The following MAP3K9 variants were observed in gnomAD, a reference collection of about 807,000 sequenced individuals.
The protein encoded by MAP3K9 is mixed lineage kinase 1 (tyr and ser/thr specificity).
Under a neutral mutation model 95.8 loss-of-function variants are expected in MAP3K9, and 46 were observed. The ratio of observed to expected loss-of-function variants is 0.48; its 90% CI spans 0.38 to 0.61. The LOEUF is 0.61. MAP3K9 is among the 20% of genes least tolerant of loss of function. The pLI, the probability that MAP3K9 is intolerant of heterozygous loss-of-function variation, is 0.00. For synonymous variants in MAP3K9, 533 were observed against 593.8 expected (o/e 0.90, Z 1.49); for missense variants, 1,296 against 1,474.3 (o/e 0.88, Z 1.98).
intron 2 of MAP3K9, among the ~76,000 whole-genome samples, chr14:70,778,716 G>A (rs2139820480): frequency 6.6e-6 from 1 of 152,358 alleles, no homozygotes; most frequent in South Asian, 2.1e-4. Flanking sequence ...CAGATGTACT[G>A]TTTTAATCTC....
At chr14:70,802,968 T>G (rs1324584953) in intron 1 of MAP3K9, among the ~76,000 whole-genome samples, 2 of 151,986 alleles carry the variant, frequency 1.3e-5, no homozygotes, top group Non-Finnish European at 2.9e-5. Context: ...GGTGTTTGGG[T>G]CATGAGGGCC....
At chr14:70,775,780 A>T (rs1484257691) in intron 2 of MAP3K9, among the ~76,000 whole-genome samples, 1 of 152,184 alleles carries the variant, frequency 6.6e-6, no homozygotes, top group African/African-American at 2.4e-5. Flanking sequence ...TGCCCTTTCC[A>T]CTAGAACCCA....
At chr14:70,762,593 T>C (rs1286767011) in intron 2 of MAP3K9, among the ~76,000 whole-genome samples, 1 of 152,142 alleles carries the variant, frequency 6.6e-6, no homozygotes, top group Non-Finnish European at 1.5e-5. Context: ...TTAAAGTAAG[T>C]GGTTTGTCTT....
Position 70,735,949 on chromosome 14 carries a change from G to C in MAP3K9, c.1913+12C>G, listed in dbSNP as rs2053980265. ...CCAGGACAGCTGGTGAAAGGGTGAA[G>C]ATGAGACTCACCCCAAGTGGAAATG... is the stretch of plus-strand genomic sequence containing the variant. On this transcript the variant is annotated intron_variant, in intron 9 of 11. Coordinates refer to ENST00000554752, the MANE Select transcript of MAP3K9 (RefSeq NM_001284230.2). The C allele has an allele frequency of 6.3e-7, 1 of 1,593,996 alleles. No individual in the cohort carries two copies. The highest frequency in any genetic ancestry group is 8.6e-7 in the Non-Finnish European group (1 of 1,161,786).
intron 2 of MAP3K9, among the ~76,000 whole-genome samples, chr14:70,770,532 G>T (rs1164832253): frequency 6.6e-6 from 1 of 152,040 alleles, no homozygotes; most frequent in Non-Finnish European, 1.5e-5. Flanking sequence ...AGCATCGAGG[G>T]TTGGGCAAAG....
chr14:70,800,947 G>T lies in MAP3K9; in HGVS notation c.540C>A (p.Asp180Glu), dbSNP rs776702942. ...VKAARHDPDE[D>E]ISQTIENVRQ... ...GAACATTCTCTATGGTCTGGCTGATGTCCTCATCAGGGTCGTGGCGAGCTG... is the reference window on the plus strand; with the variant it reads ...GAACATTCTCTATGGTCTGGCTGATTTCCTCATCAGGGTCGTGGCGAGCTG... Residue 180 changes from aspartate to glutamate, a missense_variant, in exon 2 of 12, where the codon GAC (aspartate) becomes GAA (glutamate). By Grantham distance (45) the Asp-to-Glu change is conservative. Transcript: ENST00000554752. 3 of 1,614,166 alleles carry T rather than the reference G, an allele frequency of 1.9e-6. No homozygotes were observed. Among genetic ancestry groups the T allele is most frequent in the Non-Finnish European group, 2.5e-6 (3 of 1,180,038 alleles).
chr14:70,757,431 A>G (rs1051043188), intron 3 of MAP3K9, among the ~76,000 whole-genome samples: 3 of 149,074 alleles, frequency 2.0e-5, no homozygotes, highest in African/African-American at 7.5e-5. Context: ...ACTGCACTCC[A>G]GCTCAAGCAA....
intron 2 of MAP3K9, among the ~76,000 whole-genome samples, chr14:70,787,151 T>C (rs937182889): frequency 6.6e-6 from 1 of 152,098 alleles, no homozygotes; most frequent in Non-Finnish European, 1.5e-5. Flanking sequence ...TTTCCTGTTA[T>C]ATTGCCTCAT....
chr14:70,791,829 GGGA>G (rs2054810733), intron 2 of MAP3K9, among the ~76,000 whole-genome samples: 1 of 152,210 alleles, frequency 6.6e-6, no homozygotes, highest in Non-Finnish European at 1.5e-5. Context: ...TGACCCCACA[GGGA>G]GCTCCTGGAG....
Position 70,808,748 on chromosome 14 carries a change from G to A in MAP3K9, c.406+18C>T. On this transcript the variant is annotated intron_variant, in intron 1 of 11. Coordinates refer to ENST00000554752, the MANE Select transcript of MAP3K9 (RefSeq NM_001284230.2). ...CTCCGTCATTCCCCCTCCCCGCCCG[G>A]CCCCGCCTTCGCCTTACACTGAATG... The A allele has an allele frequency of 6.9e-7, 1 of 1,441,062 alleles. No individual in the cohort carries two copies. Among genetic ancestry groups the A allele is most frequent in the Non-Finnish European group, 9.2e-7 (1 of 1,088,784 alleles). The allele number at this position is 1,441,062 out of a possible 1,614,324, so 89.3% of individuals were successfully genotyped here.
intron 9 of MAP3K9, 34 bp from the exon 10 acceptor site, chr14:70,734,532 T>C (rs2053958233): frequency 7.9e-7 from 1 of 1,260,928 alleles, no homozygotes; most frequent in Admixed American, 1.8e-5. Context: ...CTGTCAGAAC[T>C]GGTTACCTTT....
At chr14:70,775,955 G>T (rs537260921) in intron 2 of MAP3K9, among the ~76,000 whole-genome samples, 1 of 152,180 alleles carries the variant, frequency 6.6e-6, no homozygotes. Context: ...TTGGGAGGCC[G>T]AGGCGGGTGG....
At position 70,808,845 on chromosome 14, in the gene MAP3K9, G is replaced by C; in HGVS notation, c.327C>G (p.Asn109Lys). 6.3e-7 allele frequency: 1 copy of C among 1,599,446 alleles called. No homozygotes were observed. The highest frequency in any genetic ancestry group is 8.5e-7 in the Non-Finnish European group (1 of 1,175,546). Residue 109 changes from asparagine (N) to lysine (K), a missense_variant, in exon 1 of 12, where the codon AAC (asparagine) becomes AAG (lysine). Transcript: ENST00000554752. ...AGAAGGCGCTGCGCGGGGTCACGTAGTTGCTGGGGAAGATGCCCACCCGCT... is the reference window on the plus strand; with the variant it reads ...AGAAGGCGCTGCGCGGGGTCACGTACTTGCTGGGGAAGATGCCCACCCGCT... ...LNQRVGIFPS[N>K]YVTPRSAFSS...
At chr14:70,770,917 ATGTTT>A (rs1448061157) in intron 2 of MAP3K9, among the ~76,000 whole-genome samples, 1 of 151,900 alleles carries the variant, frequency 6.6e-6, no homozygotes, top group African/African-American at 2.4e-5. Context: ...CGTAGGAGGT[ATGTTT>A]TGTTTTATTT....
rs542709905 is a variant in MAP3K9, at chr14:70,759,214, G to A, written c.1001+1788C>T. Among the ~76,000 whole-genome samples the A allele has an allele frequency of 2.0e-4, 31 of 152,256 alleles. No homozygotes were observed. The South Asian group carries it at 3.9e-3, about 19-fold the overall frequency. ...TATGATCCCAGCCCCTTAAGAGGCC[G>A]AGGTGGGCAGATTGCTTTGGATCAG... is the stretch of plus-strand genomic sequence containing the variant. On this transcript the variant is annotated intron_variant, in intron 3 of 11. Coordinates refer to ENST00000554752, the MANE Select transcript of MAP3K9 (RefSeq NM_001284230.2).
Position 70,808,819 on chromosome 14 carries a change from G to T in MAP3K9, c.353C>A (p.Ser118Tyr). 6.3e-7 allele frequency: 1 copy of T among 1,597,510 alleles called. No homozygotes were observed. ...SNYVTPRSAF[S>Y]SRCQPGGEDP... is the part of the protein sequence containing the mutation. ...CTCGCCGCCGGGCTGGCAGCGGCTG[G>T]AGAAGGCGCTGCGCGGGGTCACGTA... is the stretch of plus-strand genomic sequence containing the variant. Residue 118 changes from serine (S) to tyrosine (Y), a missense_variant, in exon 1 of 12, where the codon TCC becomes TAC. By Grantham distance (144) the Ser-to-Tyr change is moderately radical. Coordinates refer to ENST00000554752, the MANE Select transcript of MAP3K9 (RefSeq NM_001284230.2).
chr14:70,800,644 C>T (rs2054917446), intron 2 of MAP3K9, 23 bp downstream of exon 2: 2 of 1,603,232 alleles, frequency 1.2e-6, no homozygotes, highest in Non-Finnish European at 8.5e-7. Context: ...TGAGCCCCTC[C>T]AGCCCCATCT....
intron 7 of MAP3K9, 37 bp from the exon 8 acceptor site, chr14:70,738,435 G>T (rs1016900994): frequency 6.2e-7 from 1 of 1,600,780 alleles, no homozygotes; most frequent in Non-Finnish European, 8.5e-7. Flanking sequence ...TCTAGAAAAT[G>T]GACAGACAGG....
rs757632696 is a variant in MAP3K9 at position 70,732,653 on chromosome 14, G to C, written c.2716C>G (p.Pro906Ala). The change falls in exon 11 of 12, where the codon CCC becomes GCC. Residue 906 changes from proline to alanine, a missense_variant. Physicochemically the swap from Pro to Ala is conservative, Grantham distance 27. Around this residue, in one of 5 missense-constraint regions of MAP3K9, gnomAD observed 433 missense variants for 441.4 expected, o/e 0.98. Coordinates refer to ENST00000554752, the MANE Select transcript of MAP3K9 (RefSeq NM_001284230.2). ...CGCCGGTGACTGCTGGGCTGCGAGGGGGTGGTGAGGGTGACATGGGTGGGA... is the reference window on the plus strand; with the variant it reads ...CGCCGGTGACTGCTGGGCTGCGAGGCGGTGGTGAGGGTGACATGGGTGGGA... Reference protein sequence around the residue: ...LTPTHVTLTTPSQPSSHRRTP... With the variant: ...LTPTHVTLTTASQPSSHRRTP... The C allele has an allele frequency of 6.2e-7, 1 of 1,605,070 alleles. No individual in the cohort carries two copies. The highest frequency in any genetic ancestry group is 1.1e-5 in the South Asian group (1 of 89,582).
Sources: gnomAD v4.1 joint callset for allele counts (sites outside exome capture counted in the v4.1 genomes callset) on GRCh38, gnomAD v4.1.1 for gene constraint, gnomAD v4.1.1 regional missense constraint, MANE v1.5 for transcripts, NCBI Gene and HGNC (gene_info 2026-07-23, HGNC 2026-07-21) for gene names.